VPS13B: variants seen among roughly 807,000 people sequenced by gnomAD.
The protein encoded by VPS13B is intermembrane lipid transfer protein VPS13B.
A neutral mutation model predicts 426.4 loss-of-function variants in VPS13B; 285 were observed. The ratio of observed to expected loss-of-function variants is 0.67; its 90% confidence interval spans 0.61 to 0.74. The LOEUF is 0.74. Ranked by LOEUF, VPS13B falls within the 30% of genes least tolerant of loss-of-function variation. VPS13B has a pLI of 0.00. For missense variants in VPS13B, 4,537 were observed against 4,782.6 expected (o/e 0.95, Z 1.51); for synonymous variants, 1,676 against 1,676.4 (o/e 1.00, Z 0.01).
chr8:99,678,203 T>A (rs1270060521), intron 35 of VPS13B, among the ~76,000 whole-genome samples: 1 of 152,190 alleles, frequency 6.6e-6, no homozygotes, highest in African/African-American at 2.4e-5. Context: ...AGGAAAAATT[T>A]TCTGGTCATG....
chr8:99,853,897 C>A lies in VPS13B; in HGVS notation c.10508C>A (p.Pro3503His), dbSNP rs773013716. ...DINEFSFELK[P>H]ARLYVEDTFV... Reference sequence around the variant, plus strand: ...AATGAGTTCAGCTTTGAATTAAAACCTGCTCGGTTATACGTGGAAGACACA... The same window carrying A: ...AATGAGTTCAGCTTTGAATTAAAACATGCTCGGTTATACGTGGAAGACACA... Residue 3503 changes from proline (P) to histidine (H), a missense_variant, in exon 56 of 62, where the codon CCT becomes CAT. Pro to His is a moderately conservative substitution (Grantham distance 77). This residue lies in a region of VPS13B where 4,311 missense variants were observed against 4,474.3 expected (regional missense o/e 0.96). Transcript: ENST00000357162. The A allele has an allele frequency of 2.1e-5, 34 of 1,614,084 alleles. No homozygotes were observed. The Admixed American group carries it at 5.2e-4, about 25-fold the overall frequency.
chr8:99,687,428 G>T (rs1324681012), intron 35 of VPS13B, among the ~76,000 whole-genome samples: 2 of 151,978 alleles, frequency 1.3e-5, no homozygotes, highest in Non-Finnish European at 2.9e-5. Context: ...TGCAGTTCTT[G>T]TGGCCTAGAC....
chr8:99,374,589 A>ACAT (rs1813375826), intron 19 of VPS13B, among the ~76,000 whole-genome samples: 1 of 152,028 alleles, frequency 6.6e-6, no homozygotes, highest in Non-Finnish European at 1.5e-5. Flanking sequence ...AGTAGTTTTT[A>ACAT]ATGTAATGTC....
chr8:99,208,321 G>A (rs180731212), intron 17 of VPS13B, among the ~76,000 whole-genome samples: 230 of 152,226 alleles, frequency 1.5e-3, no homozygotes, highest in African/African-American at 5.1e-3. Flanking sequence ...GATTTGAGGG[G>A]ATGACAAATA....
At chr8:99,108,578 A>C (rs1847177055) in intron 5 of VPS13B, among the ~76,000 whole-genome samples, 2 of 152,144 alleles carry the variant, frequency 1.3e-5, no homozygotes, top group African/African-American at 4.8e-5. Context: ...ATAGAAAATC[A>C]GTTGGCTGTA....
chr8:99,547,464 G>T (rs2133744948), intron 30 of VPS13B, among the ~76,000 whole-genome samples: 2 of 151,854 alleles, frequency 1.3e-5, no homozygotes, highest in Admixed American at 1.3e-4. Context: ...ACATTTTGTG[G>T]ATCTCAATTG....
intron 43 of VPS13B, among the ~76,000 whole-genome samples, chr8:99,801,768 A>T (rs529008839): frequency 2.0e-5 from 3 of 152,262 alleles, no homozygotes; most frequent in African/African-American, 7.2e-5. Context: ...GCCCAAGTGT[A>T]CTGTCTAGTT....
intron 39 of VPS13B, among the ~76,000 whole-genome samples, chr8:99,729,715 A>G (rs376692993): frequency 2.0e-5 from 3 of 152,326 alleles, no homozygotes; most frequent in East Asian, 1.9e-4. Context: ...CATTGTGTTT[A>G]GTTTTCTAAT....
At chr8:99,429,542 T>G (rs1455434496) in intron 21 of VPS13B, 1 of 152,078 alleles carries the variant, frequency 6.6e-6, no homozygotes, top group Non-Finnish European at 1.5e-5. Flanking sequence ...CTAAGTTTCC[T>G]TTCTTCTCAA....
chr8:99,666,659 C>T (rs941822827), intron 35 of VPS13B, among the ~76,000 whole-genome samples: 1 of 152,126 alleles, frequency 6.6e-6, no homozygotes, highest in Non-Finnish European at 1.5e-5. Context: ...GGTCATATCT[C>T]AAAATAATAA....
intron 2 of VPS13B, among the ~76,000 whole-genome samples, chr8:99,019,070 A>ATAT (rs1385248445): frequency 6.6e-6 from 1 of 151,892 alleles, no homozygotes; most frequent in Admixed American, 6.6e-5. Context: ...TCATATATAT[A>ATAT]TATTGGCCTT....
chr8:99,113,282 T>G (rs1038430261), intron 6 of VPS13B, among the ~76,000 whole-genome samples: 5 of 152,124 alleles, frequency 3.3e-5, no homozygotes, highest in Admixed American at 1.3e-4. Flanking sequence ...ATTGTTTTTT[T>G]GTAGAGACGG....
intron 33 of VPS13B, among the ~76,000 whole-genome samples, chr8:99,640,073 A>AGAAG (rs1312336630): frequency 2.2e-4 from 32 of 143,132 alleles, no homozygotes; most frequent in Admixed American, 7.7e-4. Flanking sequence ...AAAGAAAAGA[A>AGAAG]AAGAAAAGAA....
intron 23 of VPS13B, among the ~76,000 whole-genome samples, chr8:99,459,799 A>C (rs540452411): frequency 6.6e-6 from 1 of 152,126 alleles, no homozygotes; most frequent in Admixed American, 6.6e-5. Context: ...TGTTAGATGT[A>C]TATGTACCTA....
At chr8:99,251,763 A>T (rs1400829056) in intron 17 of VPS13B, among the ~76,000 whole-genome samples, 1 of 151,920 alleles carries the variant, frequency 6.6e-6, no homozygotes, top group Non-Finnish European at 1.5e-5. Context: ...ATTCTTTAAG[A>T]TTTGGTAGAT....
intron 33 of VPS13B, among the ~76,000 whole-genome samples, chr8:99,640,392 A>G (rs1829309624): frequency 6.6e-6 from 1 of 151,910 alleles, no homozygotes. Context: ...TCAGCTTCCT[A>G]AGTAGCTGGG....
chr8:99,261,379 T>C (rs1818030298), intron 17 of VPS13B, among the ~76,000 whole-genome samples: 1 of 152,170 alleles, frequency 6.6e-6, no homozygotes, highest in Non-Finnish European at 1.5e-5. Context: ...ATTCTCTTAG[T>C]AATGTGCGTT....
chr8:99,053,517 T>C (rs1843674415), intron 3 of VPS13B, among the ~76,000 whole-genome samples: 1 of 152,132 alleles, frequency 6.6e-6, no homozygotes, highest in African/African-American at 2.4e-5. Flanking sequence ...GCCATCATTC[T>C]ATTATACTTT....
intron 40 of VPS13B, among the ~76,000 whole-genome samples, chr8:99,772,044 C>G (rs189202734): frequency 6.6e-6 from 1 of 152,294 alleles, no homozygotes; most frequent in African/African-American, 2.4e-5. Context: ...ACTCTGTATA[C>G]GAAGTCCTCC....
Sources: gnomAD v4.1 joint callset for allele counts (sites outside exome capture counted in the v4.1 genomes callset) on GRCh38, gnomAD v4.1.1 for gene constraint, gnomAD v4.1.1 regional missense constraint, MANE v1.5 for transcripts, NCBI Gene and HGNC (gene_info 2026-07-23, HGNC 2026-07-21) for gene names.